Variants in ATRNL1 observed in about 807,000 individuals in gnomAD.
ATRNL1 encodes the protein attractin-like protein 1.
In ATRNL1, 95 loss-of-function variants were observed where a neutral mutation model predicts 182.7. The observed-to-expected ratio is 0.52, with a 90% CI of 0.44 to 0.62. ATRNL1 has a LOEUF of 0.62. Ranked by LOEUF, ATRNL1 falls within the 20% of genes least tolerant of loss-of-function variation. The probability of loss-of-function intolerance (pLI) is 0.00; values close to 1 mark genes in which losing one functional copy is unlikely to be tolerated. For missense variants in ATRNL1, 1,471 were observed against 1,679.5 expected (o/e 0.88, Z 2.17); for synonymous variants, 576 against 568.3 (o/e 1.01, Z -0.19).
intron 19 of ATRNL1, among the ~76,000 whole-genome samples, chr10:115,370,099 C>G (rs1186329919): frequency 6.6e-6 from 1 of 152,180 alleles, no homozygotes; most frequent in African/African-American, 2.4e-5. Context: ...AATCTTTTAT[C>G]TTGTCTGCCA....
rs1332456548 is a variant in ATRNL1 at position 115,176,472 on chromosome 10, G to A, written c.1348+5180G>A. On this transcript the variant is annotated intron_variant, in intron 8 of 28. Coordinates refer to ENST00000355044, the MANE Select transcript of ATRNL1 (RefSeq NM_207303.4). ...AGAGGATAGTTAGGAAGTTGTTAAC[G>A]GTAATCTGGGCCAAAAATGATGATG... 3.3e-5 allele frequency among the ~76,000 whole-genome samples: 5 copies of A among 152,166 alleles called. No individual in the cohort carries two copies. The South Asian group carries it at 6.2e-4, about 19-fold the overall frequency.
chr10:115,288,148 G>A (rs35393898), intron 15 of ATRNL1, among the ~76,000 whole-genome samples: 1,753 of 152,024 alleles, frequency 0.012, 7 homozygotes, highest in Non-Finnish European at 0.018. Flanking sequence ...ACCCAGGTTG[G>A]TTCCACATCT....
At chr10:115,462,810 A>G (rs1297619086) in intron 22 of ATRNL1, among the ~76,000 whole-genome samples, 3 of 152,094 alleles carry the variant, frequency 2.0e-5, no homozygotes. Context: ...AAGTTTAAAT[A>G]TATGAAAGAT....
At chr10:115,468,080 A>G (rs1848137225) in intron 23 of ATRNL1, among the ~76,000 whole-genome samples, 1 of 150,682 alleles carries the variant, frequency 6.6e-6, no homozygotes, top group African/African-American at 2.4e-5. Flanking sequence ...GCAATTCCCA[A>G]ATTTATATAT....
intron 18 of ATRNL1, among the ~76,000 whole-genome samples, chr10:115,323,432 C>G (rs1286411153): frequency 1.5e-5 from 2 of 132,030 alleles, no homozygotes; most frequent in African/African-American, 2.9e-5. Context: ...CCCCTCCCCT[C>G]CCCTCCCCTT....
intron 28 of ATRNL1, among the ~76,000 whole-genome samples, chr10:115,881,109 A>G (rs913302844): frequency 6.6e-6 from 1 of 152,116 alleles, no homozygotes; most frequent in South Asian, 2.1e-4. Context: ...GGCTCTCTCT[A>G]TGAAGGGCTT....
chr10:115,927,367 AT>A (rs1408256551), intron 28 of ATRNL1, among the ~76,000 whole-genome samples: 5 of 152,216 alleles, frequency 3.3e-5, no homozygotes, highest in African/African-American at 1.2e-4. Flanking sequence ...TCATTCAAAA[AT>A]GATTAATAAT....
At chr10:115,324,186 AT>A (rs532166172) in intron 18 of ATRNL1, among the ~76,000 whole-genome samples, 17 of 151,330 alleles carry the variant, frequency 1.1e-4, no homozygotes, top group Middle Eastern at 3.4e-3. Context: ...TTAATTTAGA[AT>A]TTTTTTTTCT....
At chr10:115,893,220 A>G (rs1469273333) in intron 28 of ATRNL1, among the ~76,000 whole-genome samples, 3 of 152,180 alleles carry the variant, frequency 2.0e-5, no homozygotes, top group Non-Finnish European at 2.9e-5. Context: ...GGGGCAGAAC[A>G]TGGAGATCAT....
In ATRNL1 at chr10:115,300,218, C is replaced by T. The variant is rs782782391; in HGVS notation, c.2600C>T (p.Ala867Val). The T allele has an allele frequency of 1.6e-5, 26 of 1,613,920 alleles. No individual in the cohort carries two copies. The South Asian group carries it at 2.6e-4, about 16-fold the overall frequency. ...GLKANPCTSMANGLVCEKPVV... is the reference protein window; with the variant it reads ...GLKANPCTSMVNGLVCEKPVV... ...AAAGCTAATCCTTGTACATCTATGGCAAATGGCCTTGTCTGTGAAAAACCT... is the reference window on the plus strand; with the variant it reads ...AAAGCTAATCCTTGTACATCTATGGTAAATGGCCTTGTCTGTGAAAAACCT... The change falls in exon 16 of 29, where the codon GCA becomes GTA. Residue 867 changes from alanine to valine, a missense_variant. Around this residue, in one of 3 missense-constraint regions of ATRNL1, gnomAD observed 1,031 missense variants for 1,156.0 expected, o/e 0.89. Coordinates refer to ENST00000355044, the MANE Select transcript of ATRNL1 (RefSeq NM_207303.4).
At chr10:115,336,981 G>GT (rs1228003629) in intron 19 of ATRNL1, among the ~76,000 whole-genome samples, 4 of 144,948 alleles carry the variant, frequency 2.8e-5, no homozygotes, top group Non-Finnish European at 4.5e-5. Context: ...AAGTAGCTGG[G>GT]GGGGGGGGAC....
At chr10:115,376,315 G>A (rs1204385091) in intron 19 of ATRNL1, among the ~76,000 whole-genome samples, 1 of 151,924 alleles carries the variant, frequency 6.6e-6, no homozygotes, top group African/African-American at 2.4e-5. Flanking sequence ...TTTGAGACAG[G>A]ATCTTGCTTT....
At chr10:115,787,322 C>A (rs985581513) in intron 27 of ATRNL1, among the ~76,000 whole-genome samples, 1 of 152,116 alleles carries the variant, frequency 6.6e-6, no homozygotes, top group East Asian at 1.9e-4. Context: ...CAATATATAG[C>A]CAGGCTTTAC....
At chr10:115,846,755 G>A (rs1376722213) in intron 27 of ATRNL1, among the ~76,000 whole-genome samples, 1 of 152,066 alleles carries the variant, frequency 6.6e-6, no homozygotes, top group Non-Finnish European at 1.5e-5. Flanking sequence ...GTGTGGAGGT[G>A]CATGTTTGCA....
At chr10:115,890,125 G>A (rs910460327) in intron 28 of ATRNL1, among the ~76,000 whole-genome samples, 5 of 152,126 alleles carry the variant, frequency 3.3e-5, no homozygotes, top group Non-Finnish European at 7.3e-5. Context: ...ACATTAAATC[G>A]TGAAGGTGTT....
chr10:115,449,558 G>A (rs1426961906), intron 21 of ATRNL1, among the ~76,000 whole-genome samples: 4 of 152,178 alleles, frequency 2.6e-5, no homozygotes, highest in Non-Finnish European at 5.9e-5. Flanking sequence ...GCAAAGCTAA[G>A]AAGACACTGT....
At position 115,519,284 on chromosome 10, in the gene ATRNL1, A is replaced by G; in HGVS notation, c.3676A>G (p.Thr1226Ala). 2 of 1,609,600 alleles carry G rather than the reference A, an allele frequency of 1.2e-6. No individual in the cohort carries two copies. The highest frequency in any genetic ancestry group is 1.7e-6 in the Non-Finnish European group (2 of 1,178,526). The change falls in exon 25 of 29, where the codon ACA (threonine) becomes GCA (alanine). Residue 1226 changes from threonine (T) to alanine (A), a missense_variant. Coordinates refer to ENST00000355044, the MANE Select transcript of ATRNL1 (RefSeq NM_207303.4). ...KIQIAFSQHNTIMDLVQFFVT... is the reference protein window; with the variant it reads ...KIQIAFSQHNAIMDLVQFFVT... ...TCAGATTGCATTCTCACAACACAAT[A>G]CAATCATGGACCTTGTGCAGTTTTT...
At chr10:115,133,642 A>G (rs1249741202) in intron 5 of ATRNL1, among the ~76,000 whole-genome samples, 2 of 152,068 alleles carry the variant, frequency 1.3e-5, no homozygotes, top group East Asian at 3.9e-4. Flanking sequence ...AGATCAATAG[A>G]CAGAAGGTTA....
chr10:115,133,183 T>C (rs1845338517), intron 5 of ATRNL1, among the ~76,000 whole-genome samples: 1 of 152,204 alleles, frequency 6.6e-6, no homozygotes, highest in Non-Finnish European at 1.5e-5. Flanking sequence ...ATTTATTAAA[T>C]AGGGAATCCT....
Sources: allele counts gnomAD v4.1 joint callset (sites outside exome capture counted in the v4.1 genomes callset), GRCh38; gene constraint gnomAD v4.1.1; regional missense constraint gnomAD v4.1.1; transcripts MANE v1.5; gene names NCBI Gene and HGNC (gene_info 2026-07-23, HGNC 2026-07-21).